The following HEATR9 variants were observed in gnomAD, a reference collection of about 807,000 sequenced individuals.
HEATR9 encodes the protein HEAT repeat containing 9.
A neutral mutation model predicts 68.2 loss-of-function variants in HEATR9; 54 were observed. The observed-to-expected ratio is 0.79, with a 90% CI of 0.64 to 0.99. The LOEUF is 0.99. HEATR9 is among the 50% of genes least tolerant of loss of function. The probability of loss-of-function intolerance (pLI) is 0.00; values close to 1 mark genes in which losing one functional copy is unlikely to be tolerated. For missense variants in HEATR9, 662 were observed against 679.7 expected, an observed-to-expected ratio of 0.97 and a Z score of 0.29; for synonymous variants, 241 against 253.5, an observed-to-expected ratio of 0.95 and a Z score of 0.47.
intron 1 of HEATR9, among the ~76,000 whole-genome samples, chr17:35,868,336 G>A (rs1329339082): frequency 1.3e-5 from 2 of 152,170 alleles, no homozygotes; most frequent in Non-Finnish European, 2.9e-5. Flanking sequence ...TAGATAAGGG[G>A]GAAGAGCATT....
At chr17:35,859,092 T>A (rs1169180999) in intron 8 of HEATR9, 22 bp from the exon 9 acceptor site, 1 of 1,609,998 alleles carries the variant, frequency 6.2e-7, no homozygotes, top group Non-Finnish European at 8.5e-7. Flanking sequence ...ACAAAATGGC[T>A]AAGGGGAGGG....
At chr17:35,863,470 C>G (rs756734621) in intron 7 of HEATR9, 32 bp downstream of exon 7, 8 of 1,610,782 alleles carry the variant, frequency 5.0e-6, no homozygotes, top group Non-Finnish European at 6.8e-6. Flanking sequence ...TGCACTTTCT[C>G]AACTCCCCAC....
chr17:35,857,908 G>A (rs1383006190), intron 11 of HEATR9, among the ~76,000 whole-genome samples: 2 of 152,188 alleles, frequency 1.3e-5, no homozygotes, highest in Admixed American at 6.5e-5. Context: ...GGTCTTGAAG[G>A]AGCAATACAG....
At chr17:35,863,165 G>A in intron 7 of HEATR9, 40 bp from the exon 8 acceptor site, 1 of 1,610,984 alleles carries the variant, frequency 6.2e-7, no homozygotes, top group South Asian at 1.1e-5. Flanking sequence ...AGAGCCTCTG[G>A]TACTGCCCCT....
At chr17:35,868,457 A>C in intron 1 of HEATR9, 198 bp downstream of exon 1, 12 of 908,544 alleles carry the variant, frequency 1.3e-5, no homozygotes, top group South Asian at 2.5e-5. Flanking sequence ...GTCCCATCTT[A>C]GAGATCCCTG....
intron 8 of HEATR9, among the ~76,000 whole-genome samples, chr17:35,861,924 T>C (rs978739841): frequency 1.3e-5 from 2 of 151,922 alleles, no homozygotes; most frequent in Non-Finnish European, 2.9e-5. Flanking sequence ...AATGGCGCGA[T>C]CTTGGCTCAC....
At chr17:35,860,346 T>C (rs1002004911) in intron 8 of HEATR9, among the ~76,000 whole-genome samples, 2 of 139,572 alleles carry the variant, frequency 1.4e-5, no homozygotes, top group Admixed American at 1.5e-4. Flanking sequence ...GAGCCGAGAC[T>C]GCACCACTGC....
chr17:35,858,315 C>T lies in HEATR9; in HGVS notation c.1037G>A (p.Arg346His), dbSNP rs373440543. The T allele has an allele frequency of 9.8e-5, 158 of 1,614,138 alleles. 1 individual carries two copies. The East Asian group carries it at 2.3e-3, about 23-fold the overall frequency. Residue 346 changes from arginine to histidine, a missense_variant, in exon 11 of 15, where the codon CGC becomes CAC. Coordinates refer to ENST00000604834, the MANE Select transcript of HEATR9 (RefSeq NM_152781.4). ...QLCSSSVLEDRFEATQMLKTI... is the reference protein window; with the variant it reads ...QLCSSSVLEDHFEATQMLKTI... ...CTTGAGCATTTGGGTGGCTTCAAAG[C>T]GGTCCTGAGGTCGGGGGTGAGGGTT...
In HEATR9 at chr17:35,864,837, C is replaced by A; in HGVS notation, c.374G>T (p.Ser125Ile). 1 of 1,614,202 alleles carries A rather than the reference C, an allele frequency of 6.2e-7. No homozygotes were observed. The highest frequency in any genetic ancestry group is 8.5e-7 in the Non-Finnish European group (1 of 1,180,032). ...THIKMFHLPMSKLTIKSEMRS... is the reference protein window; with the variant it reads ...THIKMFHLPMIKLTIKSEMRS... ...CATCTCAGATTTTATAGTCAGCTTG[C>A]TCATTGGGAGATGGAACATTTTGAT... Residue 125 changes from serine to isoleucine, a missense_variant, in exon 4 of 15, where the codon AGC (serine) becomes ATC (isoleucine). Physicochemically the swap from Ser to Ile is moderately radical, Grantham distance 142. Coordinates refer to ENST00000604834, the MANE Select transcript of HEATR9 (RefSeq NM_152781.4).
intron 9 of HEATR9, 149 bp from the exon 10 acceptor site, chr17:35,858,674 T>A: frequency 1.2e-6 from 1 of 833,230 alleles, no homozygotes; most frequent in South Asian, 1.7e-5. Flanking sequence ...AGTTCATGTG[T>A]GCATATACAT....
At chr17:35,868,024 G>A (rs111802009) in intron 1 of HEATR9, among the ~76,000 whole-genome samples, 8,120 of 152,210 alleles carry the variant, frequency 0.053, 275 homozygotes, top group South Asian at 0.17. Context: ...CAAGTGATCC[G>A]CCCGCTTTGG....
chr17:35,857,080 G>C (rs1359574289), intron 11 of HEATR9, among the ~76,000 whole-genome samples: 1 of 152,080 alleles, frequency 6.6e-6, no homozygotes, highest in African/African-American at 2.4e-5. Flanking sequence ...AGGTGAGTGG[G>C]AGTTAACCAG....
chr17:35,862,010 CA>C lies in HEATR9; in HGVS notation c.756+984del, dbSNP rs1439211647. On this transcript the variant is annotated intron_variant, in intron 8 of 14. Coordinates refer to ENST00000604834, the MANE Select transcript of HEATR9 (RefSeq NM_152781.4). ...AGCTGGGATTACAGGTGTGGGTCAC[CA>C]CACCTGGCTAAGTTTTTATTTATTT... is the stretch of plus-strand genomic sequence containing the variant. Among the ~76,000 whole-genome samples, 5 of 151,696 alleles carry C rather than the reference CA, an allele frequency of 3.3e-5. No homozygotes were observed. In the East Asian group the frequency reaches 9.6e-4, roughly 29 times the overall value.
Position 35,868,681 on chromosome 17 carries a change from C to G in HEATR9, c.62G>C (p.Trp21Ser). 1 of 1,614,182 alleles carries G rather than the reference C, an allele frequency of 6.2e-7. No individual in the cohort carries two copies. The highest frequency in any genetic ancestry group is 8.5e-7 in the Non-Finnish European group (1 of 1,180,010). Residue 21 changes from tryptophan to serine, a missense_variant, in exon 1 of 15, where the codon TGG becomes TCG. Trp to Ser is a radical substitution (Grantham distance 177). Coordinates refer to ENST00000604834, the MANE Select transcript of HEATR9 (RefSeq NM_152781.4). ...TTTGGTCTTGTCTGGATATTCCAGCCATGGGTACAGGAACATTGACCTGGA... is the reference window on the plus strand; with the variant it reads ...TTTGGTCTTGTCTGGATATTCCAGCGATGGGTACAGGAACATTGACCTGGA... ...DVSRSMFLYP[W>S]LEYPDKTKEL...
intron 4 of HEATR9, 96 bp from the exon 5 acceptor site, chr17:35,864,649 C>CG: frequency 6.3e-7 from 1 of 1,587,712 alleles, no homozygotes; most frequent in Non-Finnish European, 8.6e-7. Context: ...TTTTCCTACC[C>CG]TACCTCTGTT....
chr17:35,866,711 T>TA lies in HEATR9; in HGVS notation c.138+12dup. 2 of 1,613,174 alleles carry TA rather than the reference T, an allele frequency of 1.2e-6. No homozygotes were observed. ...GATACAGCTCCCAGGGTAGCAAAAG[T>TA]AAGGGGTCTTACCTGGTAGCAGGAC... On this transcript the variant is annotated intron_variant, in intron 2 of 14. Coordinates refer to ENST00000604834, the MANE Select transcript of HEATR9 (RefSeq NM_152781.4).
chr17:35,855,329 C>T lies in HEATR9; in HGVS notation c.1447G>A (p.Glu483Lys). The change falls in exon 15 of 15, where the codon GAG becomes AAG. Residue 483 changes from glutamate (E) to lysine (K), a missense_variant. Glu to Lys is a moderately conservative substitution (Grantham distance 56, BLOSUM62 1). Coordinates refer to ENST00000604834, the MANE Select transcript of HEATR9 (RefSeq NM_152781.4). Reference sequence around the variant, plus strand: ...GCCTTCACATTGGTCTTAGGTGCCTCATATACAGAGAGAACCTTGTTTTTC... The same window carrying T: ...GCCTTCACATTGGTCTTAGGTGCCTTATATACAGAGAGAACCTTGTTTTTC... ...KLKNKVLSVY[E>K]APKTNVKAEP... The T allele has an allele frequency of 1.2e-6, 2 of 1,614,156 alleles. No individual in the cohort carries two copies. Among genetic ancestry groups the T allele is most frequent in the Non-Finnish European group, 1.7e-6 (2 of 1,179,980 alleles).
At chr17:35,857,792 T>C (rs917819314) in intron 11 of HEATR9, among the ~76,000 whole-genome samples, 3 of 152,164 alleles carry the variant, frequency 2.0e-5, no homozygotes, top group Non-Finnish European at 4.4e-5. Flanking sequence ...CACCTAGTTT[T>C]ATAACAAGCT....
chr17:35,867,457 GAGAT>G (rs777901639), intron 1 of HEATR9, among the ~76,000 whole-genome samples: 23 of 108,998 alleles, frequency 2.1e-4, no homozygotes, highest in Non-Finnish European at 3.7e-4. Context: ...AAAAAAAAAA[GAGAT>G]AGCAGTTGCA....
Sources: gnomAD v4.1 joint callset for allele counts (sites outside exome capture counted in the v4.1 genomes callset) on GRCh38, gnomAD v4.1.1 for gene constraint, MANE v1.5 for transcripts, NCBI Gene and HGNC (gene_info 2026-07-23, HGNC 2026-07-21) for gene names.